Variants in PDYN observed in about 807,000 individuals in gnomAD.
PDYN encodes prodynorphin.
Under a neutral mutation model 11.4 loss-of-function variants are expected in PDYN, and 5 were observed. The ratio of observed to expected loss-of-function variants is 0.44; its 90% CI spans 0.23 to 0.92. PDYN has a LOEUF of 0.92. Among genes scored for constraint, PDYN ranks in the 40% least tolerant of loss-of-function variants. PDYN has a pLI of 0.24. For missense variants in PDYN, 337 were observed against 317.3 expected, an observed-to-expected ratio of 1.06 and a Z score of -0.47; for synonymous variants, 132 against 129.5, an observed-to-expected ratio of 1.02 and a Z score of -0.13.
intron 2 of PDYN, among the ~76,000 whole-genome samples, chr20:1,989,313 G>A (rs1428767952): frequency 6.6e-6 from 1 of 152,140 alleles, no homozygotes; most frequent in East Asian, 1.9e-4. Flanking sequence ...AATACTGAGA[G>A]GACCTGGGGA....
At chr20:1,989,617 G>A (rs550893176) in intron 2 of PDYN, among the ~76,000 whole-genome samples, 19 of 152,294 alleles carry the variant, frequency 1.2e-4, no homozygotes, top group African/African-American at 4.3e-4. Flanking sequence ...TATTTAAAAA[G>A]CCAGCATGGA....
chr20:1,990,112 T>C (rs889235235), intron 2 of PDYN, among the ~76,000 whole-genome samples: 5 of 152,186 alleles, frequency 3.3e-5, no homozygotes, highest in African/African-American at 1.2e-4. Flanking sequence ...TTTATCTCAA[T>C]TATTTCTCTC....
intron 2 of PDYN, among the ~76,000 whole-genome samples, chr20:1,986,165 T>C (rs1418037): frequency 0.43 from 64,499 of 151,748 alleles, 14,769 homozygotes; most frequent in East Asian, 0.63. Flanking sequence ...TCTACAGCAC[T>C]GGTGCTGTTG....
rs568292306 is a variant in PDYN, at chr20:1,989,601, C to A, written c.-20+2983G>T. Among the ~76,000 whole-genome samples, 16 of 152,208 alleles carry A rather than the reference C, an allele frequency of 1.1e-4. No homozygotes were observed. In the South Asian group the frequency reaches 3.3e-3, roughly 32 times the overall value. On this transcript the variant is annotated intron_variant, in intron 2 of 3. Transcript: ENST00000217305. ...GCTGAGGGCTCAGAGGAGCCGCAAG[C>A]GTTTTTATTTAAAAAGCCAGCATGG...
At chr20:1,991,128 C>T (rs1988426534) in intron 2 of PDYN, among the ~76,000 whole-genome samples, 2 of 152,136 alleles carry the variant, frequency 1.3e-5, no homozygotes, top group Non-Finnish European at 2.9e-5. Flanking sequence ...CCGTGTGAAT[C>T]ACAAACACCA....
chr20:1,993,246 CA>C (rs1158891734), intron 1 of PDYN, among the ~76,000 whole-genome samples: 1 of 152,028 alleles, frequency 6.6e-6, no homozygotes, highest in Admixed American at 6.6e-5. Context: ...GTAAAATGGA[CA>C]AGAAAATGCC....
At chr20:1,981,969 C>A (rs1351017093) in intron 3 of PDYN, among the ~76,000 whole-genome samples, 1 of 115,484 alleles carries the variant, frequency 8.7e-6, no homozygotes, top group Non-Finnish European at 1.7e-5. Context: ...TAAATAATAA[C>A]TTCTGGCATG....
chr20:1,983,713 T>A (rs954573435), intron 2 of PDYN, among the ~76,000 whole-genome samples: 11 of 152,174 alleles, frequency 7.2e-5, no homozygotes, highest in African/African-American at 2.7e-4. Flanking sequence ...CTTCTCCGAT[T>A]CCTCCTTCCT....
At chr20:1,993,191 A>C (rs1024517203) in intron 1 of PDYN, among the ~76,000 whole-genome samples, 12 of 150,980 alleles carry the variant, frequency 7.9e-5, no homozygotes, top group African/African-American at 2.9e-4. Flanking sequence ...CTGGCCTTAG[A>C]CTCCTCTGGC....
In PDYN at chr20:1,978,843, G is replaced by A. The variant is rs1351738358; in HGVS notation, c.*1480C>T. The A allele has an allele frequency of 6.6e-6, 1 of 152,144 alleles. No homozygotes were observed. The highest frequency in any genetic ancestry group is 2.4e-5 in the African/African-American group (1 of 41,400). 9.4% of individuals were successfully genotyped at this position (152,144 alleles called of 1,614,324 possible). A position where few individuals can be genotyped will look rare whatever the true frequency, so the allele number is the denominator to read the frequency against. ...AGGCTAAGCAAATTCCAAGTAAATTGCATAAATGGGATTTTTTTAAAGGAC... is the reference window on the plus strand; with the variant it reads ...AGGCTAAGCAAATTCCAAGTAAATTACATAAATGGGATTTTTTTAAAGGAC... On this transcript the variant is annotated 3_prime_UTR_variant, in exon 4 of 4. Transcript: ENST00000217305.
At chr20:1,987,025 A>G (rs1477690732) in intron 2 of PDYN, among the ~76,000 whole-genome samples, 1 of 151,978 alleles carries the variant, frequency 6.6e-6, no homozygotes, top group East Asian at 1.9e-4. Context: ...ATTACCACTT[A>G]CCTGTCAGTC....
At chr20:1,988,564 G>A (rs1475050816) in intron 2 of PDYN, among the ~76,000 whole-genome samples, 1 of 152,182 alleles carries the variant, frequency 6.6e-6, no homozygotes, top group Non-Finnish European at 1.5e-5. Flanking sequence ...GGGATGAGAA[G>A]TGGGAAGCAA....
Position 1,980,172 on chromosome 20 carries a change from C to A in PDYN, c.*151G>T, listed in dbSNP as rs1022928578. 1 of 824,870 alleles carries A rather than the reference C, an allele frequency of 1.2e-6. No homozygotes were observed. The highest frequency in any genetic ancestry group is 1.5e-5 in the South Asian group (1 of 67,208). 51.1% of individuals were successfully genotyped at this position (824,870 alleles called of 1,614,324 possible). On this transcript the variant is annotated 3_prime_UTR_variant, in exon 4 of 4. Transcript: ENST00000217305. ...ACCCCAGAGAAATAACATACTCCCA[C>A]GCAGAAGAGAGATAGGCTGGGCTTG...
chr20:1,980,637 G>C lies in PDYN; in HGVS notation c.451C>G (p.Leu151Val), dbSNP rs765172803. 2 of 1,614,190 alleles carry C rather than the reference G, an allele frequency of 1.2e-6. No homozygotes were observed. Among genetic ancestry groups the C allele is most frequent in the Non-Finnish European group, 1.7e-6 (2 of 1,180,040 alleles). ...CCAGTCTCCATGGCACCATCGTTCA[G>C]CTGGGCATCCCTCATCAGCTCAGAC... ...AESELMRDAQ[L>V]NDGAMETGTL... is the part of the protein sequence containing the mutation. The change falls in exon 4 of 4, where the codon CTG (leucine) becomes GTG (valine). Residue 151 changes from leucine to valine, a missense_variant. Coordinates refer to ENST00000217305, the MANE Select transcript of PDYN (RefSeq NM_024411.5).
chr20:1,988,622 G>C (rs375602063), intron 2 of PDYN, among the ~76,000 whole-genome samples: 2 of 152,234 alleles, frequency 1.3e-5, no homozygotes, highest in African/African-American at 4.8e-5. Flanking sequence ...GACCCTGATG[G>C]AGGGCCTGCA....
intron 2 of PDYN, among the ~76,000 whole-genome samples, chr20:1,984,276 C>T (rs986647229): frequency 4.6e-5 from 7 of 152,208 alleles, no homozygotes; most frequent in African/African-American, 1.7e-4. Flanking sequence ...CTAGTTCCTT[C>T]TTTGTCATTA....
intron 2 of PDYN, among the ~76,000 whole-genome samples, chr20:1,991,519 C>G (rs1485105400): frequency 6.6e-6 from 1 of 152,206 alleles, no homozygotes; most frequent in East Asian, 1.9e-4. Context: ...TTTCGAGGGT[C>G]TGATCCTGGG....
chr20:1,982,917 C>G, intron 3 of PDYN, 39 bp downstream of exon 3: 1 of 1,609,706 alleles, frequency 6.2e-7, no homozygotes, highest in Non-Finnish European at 8.5e-7. Context: ...CGCACAGGTC[C>G]AAGGACCTGG....
chr20:1,993,471 A>G (rs1988541052), intron 1 of PDYN, among the ~76,000 whole-genome samples: 1 of 152,174 alleles, frequency 6.6e-6, no homozygotes, highest in Non-Finnish European at 1.5e-5. Context: ...AGAGCCTTGG[A>G]TCTCATTAAT....
Sources: allele counts gnomAD v4.1 joint callset (sites outside exome capture counted in the v4.1 genomes callset), GRCh38; gene constraint gnomAD v4.1.1; transcripts MANE v1.5; gene names NCBI Gene and HGNC (gene_info 2026-07-23, HGNC 2026-07-21).